Variants in NDST1 observed in about 807,000 individuals in gnomAD.
NDST1 encodes the protein bifunctional heparan sulfate N-deacetylase/N-sulfotransferase 1.
A neutral mutation model predicts 92.8 loss-of-function variants in NDST1; 35 were observed. That is an observed-to-expected ratio of 0.38 (90% CI 0.29 to 0.50). The LOEUF (loss-of-function observed/expected upper bound fraction) is 0.50. Among genes scored for constraint, NDST1 ranks in the 20% least tolerant of loss-of-function variants. NDST1 has a pLI of 0.94. For missense variants in NDST1, 822 were observed against 1,182.7 expected, an observed-to-expected ratio of 0.69 and a Z score of 4.47; for synonymous variants, 493 against 500.3, an observed-to-expected ratio of 0.99 and a Z score of 0.19.
At chr5:150,550,901 A>T (rs1252769252) in intron 13 of NDST1, 1 of 152,286 alleles carries the variant, frequency 6.6e-6, no homozygotes, top group Non-Finnish European at 1.5e-5. Context: ...TGAAAGCTTC[A>T]TGTGGGGCTC....
intron 5 of NDST1, 51 bp from the exon 6 acceptor site, chr5:150,535,649 C>G: frequency 6.2e-7 from 1 of 1,606,236 alleles, no homozygotes; most frequent in Non-Finnish European, 8.5e-7. Flanking sequence ...GGATAAGGCC[C>G]AAAGGGGAAG....
chr5:150,542,550 C>A (rs1381270247), intron 9 of NDST1, among the ~76,000 whole-genome samples: 1 of 152,192 alleles, frequency 6.6e-6, no homozygotes, highest in Non-Finnish European at 1.5e-5. Flanking sequence ...ACATGGCTAC[C>A]AGAGTGCAGT....
chr5:150,533,764 T>A (rs113293881), intron 4 of NDST1, among the ~76,000 whole-genome samples: 1 of 152,198 alleles, frequency 6.6e-6, no homozygotes, highest in African/African-American at 2.4e-5. Flanking sequence ...TCTGTCTGTA[T>A]TTTTTATATT....
intron 1 of NDST1, among the ~76,000 whole-genome samples, chr5:150,514,689 GAATGAAAGACC>G (rs1753881216): frequency 6.6e-6 from 1 of 152,254 alleles, no homozygotes; most frequent in East Asian, 1.9e-4. Flanking sequence ...TTTCAGGGAG[GAATGAAAGACC>G]AAACTCAAAG....
intron 3 of NDST1, among the ~76,000 whole-genome samples, chr5:150,532,597 G>C (rs192674891): frequency 6.6e-6 from 1 of 151,990 alleles, no homozygotes; most frequent in Admixed American, 6.6e-5. Flanking sequence ...GTGCGATCTC[G>C]GCTCACTGCA....
At chr5:150,536,230 A>G (rs1261400746) in intron 6 of NDST1, among the ~76,000 whole-genome samples, 2 of 152,116 alleles carry the variant, frequency 1.3e-5, no homozygotes, top group Non-Finnish European at 2.9e-5. Context: ...TCACACCTGT[A>G]ATCCTAGCAC....
At chr5:150,506,610 G>T (rs1014009667), upstream of NDST1, among the ~76,000 whole-genome samples, 2 of 152,154 alleles carry the variant, frequency 1.3e-5, no homozygotes, top group Admixed American at 6.5e-5. Flanking sequence ...GTCACCCAGT[G>T]CTTTTTGCTC....
chr5:150,500,014 A>G (rs564338262), intron 1 of NDST1, among the ~76,000 whole-genome samples: 3 of 152,202 alleles, frequency 2.0e-5, no homozygotes, highest in Admixed American at 2.0e-4. Flanking sequence ...TTCTCCTCCT[A>G]GAGTATGTTG....
rs1755826870 is a variant in NDST1 at position 150,554,337 on chromosome 5, A to ATATATATATATATATATATATATAATG, written c.*1027_*1028insTAATGTATATATATATATATATATATA. On this transcript the variant is annotated 3_prime_UTR_variant, in exon 15 of 15. Transcript: ENST00000261797. ...CTGGGTGCTGGGGTCGCACTGTGTT[A>ATATATATATATATATATATATATAATG]TATATATATATATATATATATAATG... 1.4e-5 allele frequency: 2 copies of ATATATATATATATATATATATATAATG among 147,870 alleles called. No individual in the cohort carries two copies. Among genetic ancestry groups the ATATATATATATATATATATATATAATG allele is most frequent in the African/African-American group, 5.1e-5 (2 of 39,038 alleles). 9.2% of individuals were successfully genotyped at this position (147,870 alleles called of 1,614,324 possible). A position where few individuals can be genotyped will look rare whatever the true frequency, so the allele number is the denominator to read the frequency against.
chr5:150,499,810 C>T (rs1368222624), intron 1 of NDST1, among the ~76,000 whole-genome samples: 1 of 152,218 alleles, frequency 6.6e-6, no homozygotes, highest in Admixed American at 6.5e-5. Context: ...GGAGCATCCA[C>T]CTGCAGCTGT....
intron 8 of NDST1, among the ~76,000 whole-genome samples, chr5:150,541,215 C>A (rs1311676406): frequency 6.6e-6 from 1 of 152,192 alleles, no homozygotes; most frequent in Non-Finnish European, 1.5e-5. Flanking sequence ...AACTTCCATG[C>A]CCCAAACCTA....
At chr5:150,522,681 G>T (rs1042356527) in intron 2 of NDST1, among the ~76,000 whole-genome samples, 1 of 152,220 alleles carries the variant, frequency 6.6e-6, no homozygotes, top group Admixed American at 6.5e-5. Context: ...AGTGCTTTGG[G>T]AGTGGGTGGG....
At position 150,541,572 on chromosome 5, in the gene NDST1, C is replaced by T. The variant is rs1459273521; in HGVS notation, c.1752C>T (p.Asp584=). ...CATCCCTTCCACTGTTGTTTTAGGACCCCTGCGAGGACAAACGTCACAAAG... is the reference window on the plus strand; with the variant it reads ...CATCCCTTCCACTGTTGTTTTAGGATCCCTGCGAGGACAAACGTCACAAAG... The part of the protein sequence containing the change: ...FSEEKDPLWQ[D]PCEDKRHKDI... The change falls in exon 9 of 15, where the codon GAC becomes GAT. Residue 584 remains aspartate, a splice_region_variant and synonymous_variant. Transcript: ENST00000261797. The T allele has an allele frequency of 1.2e-6, 2 of 1,614,040 alleles. No individual in the cohort carries two copies. Among genetic ancestry groups the T allele is most frequent in the Non-Finnish European group, 1.7e-6 (2 of 1,180,006 alleles).
At chr5:150,547,609 CTG>C (rs537910309) in intron 11 of NDST1, among the ~76,000 whole-genome samples, 12 of 152,362 alleles carry the variant, frequency 7.9e-5, no homozygotes, top group Non-Finnish European at 1.3e-4. Flanking sequence ...CTTTCTAACA[CTG>C]TCAACCTCTG....
At chr5:150,501,942 T>C (rs1480169620) in intron 1 of NDST1, among the ~76,000 whole-genome samples, 1 of 151,748 alleles carries the variant, frequency 6.6e-6, no homozygotes, top group Non-Finnish European at 1.5e-5. Context: ...GAGGGAAGAA[T>C]TTTCCAGGCA....
At chr5:150,516,866 A>G (rs933160664) in intron 1 of NDST1, among the ~76,000 whole-genome samples, 1 of 152,028 alleles carries the variant, frequency 6.6e-6, no homozygotes, top group African/African-American at 2.4e-5. Flanking sequence ...GGGTTTCACC[A>G]TGTTGGTCAG....
In NDST1 at chr5:150,526,930, G is replaced by A. The variant is rs547249183; in HGVS notation, c.514-874G>A. Among the ~76,000 whole-genome samples the A allele has an allele frequency of 2.6e-5, 4 of 152,334 alleles. No homozygotes were observed. In the East Asian group the frequency reaches 7.7e-4, roughly 29 times the overall value. ...GAGCAGCCACATGCCTTGAGAGAAG[G>A]GAGGCAGAGACTTCACCACTGATGG... On this transcript the variant is annotated intron_variant, in intron 2 of 14. Transcript: ENST00000261797.
chr5:150,545,854 G>A (rs1755454819), intron 11 of NDST1, among the ~76,000 whole-genome samples: 2 of 152,198 alleles, frequency 1.3e-5, no homozygotes. Context: ...GGAGCTCATG[G>A]AAGGACAAGA....
At chr5:150,549,501 G>A (rs575000336) in intron 12 of NDST1, among the ~76,000 whole-genome samples, 177 bp from the exon 13 acceptor site, 21 of 152,336 alleles carry the variant, frequency 1.4e-4, no homozygotes, top group Admixed American at 1.2e-3. Flanking sequence ...GAAAGCAGGC[G>A]TGAGACCACA....
Sources: gnomAD v4.1 joint callset for allele counts (sites outside exome capture counted in the v4.1 genomes callset) on GRCh38, gnomAD v4.1.1 for gene constraint, MANE v1.5 for transcripts, NCBI Gene and HGNC (gene_info 2026-07-23, HGNC 2026-07-21) for gene names.